F11: variants seen among roughly 807,000 people sequenced by gnomAD.
F11 encodes coagulation factor XI.
A neutral mutation model predicts 76.5 loss-of-function variants in F11; 78 were observed. That is an observed-to-expected ratio of 1.02 (90% CI 0.85 to 1.23). F11 has a LOEUF of 1.23. Among genes scored for constraint, F11 ranks in the 50% most tolerant of loss-of-function variants. F11 has a pLI of 0.00. For synonymous variants in F11, 278 were observed against 276.3 expected, an observed-to-expected ratio of 1.01 and a Z score of -0.06; for missense variants, 742 against 771.4, an observed-to-expected ratio of 0.96 and a Z score of 0.45.
intron 14 of F11, 97 bp from the exon 15 acceptor site, chr4:186,288,356 A>G: frequency 6.6e-7 from 1 of 1,511,242 alleles, no homozygotes; most frequent in Non-Finnish European, 9.2e-7. Flanking sequence ...AGGGGCCAAG[A>G]CAACATTTTA....
chr4:186,289,732 G>T (rs1741455497), downstream of F11, among the ~76,000 whole-genome samples: 3 of 150,596 alleles, frequency 2.0e-5, no homozygotes, highest in South Asian at 6.3e-4. Context: ...GCCCAAGCTG[G>T]AGTGCAGTGG....
Position 186,286,635 on chromosome 4 carries a change from A to G in F11, c.1576+125A>G, listed in dbSNP as rs1561491596. ...CTACTCAGTTGCAGGAAGCGGATTA[A>G]TAAAGATGGAGAGGCAAAAATCACC... On this transcript the variant is annotated intron_variant, in intron 13 of 14. Transcript: ENST00000403665. The G allele has an allele frequency of 3.9e-6, 6 of 1,520,156 alleles. No individual in the cohort carries two copies. In the African/African-American group the frequency reaches 5.5e-5, roughly 14 times the overall value. 94.2% of individuals were successfully genotyped at this position (1,520,156 alleles called of 1,614,324 possible). A position where few individuals can be genotyped will look rare whatever the true frequency, so the allele number is the denominator to read the frequency against.
intron 1 of F11, among the ~76,000 whole-genome samples, chr4:186,266,565 A>G (rs968829003): frequency 2.0e-5 from 3 of 152,210 alleles, no homozygotes; most frequent in Non-Finnish European, 4.4e-5. Context: ...AAAAATCAGA[A>G]GTCTTGATTT....
chr4:186,288,410 C>T, intron 14 of F11, 43 bp from the exon 15 acceptor site: 1 of 1,613,522 alleles, frequency 6.2e-7, no homozygotes, highest in Non-Finnish European at 8.5e-7. Context: ...TGGGAAGCGT[C>T]TGAGTTGATC....
At chr4:186,290,678 A>C (rs1414892666), downstream of F11, 1 of 152,198 alleles carries the variant, frequency 6.6e-6, no homozygotes, top group African/African-American at 2.4e-5. Context: ...AAGATATAAA[A>C]TATACAATGA....
In F11 at chr4:186,288,780, C is replaced by A; in HGVS notation, c.*166C>A. Reference sequence around the variant, plus strand: ...ACAAACTGTCACAAGTTGTTATGTCCAAAACTCCCGTTCTATGATCGTTGT... The same window carrying A: ...ACAAACTGTCACAAGTTGTTATGTCAAAAACTCCCGTTCTATGATCGTTGT... On this transcript the variant is annotated 3_prime_UTR_variant, in exon 15 of 15. Transcript: ENST00000403665. 1 of 747,050 alleles carries A rather than the reference C, an allele frequency of 1.3e-6. No homozygotes were observed. The highest frequency in any genetic ancestry group is 2.3e-6 in the Non-Finnish European group (1 of 439,870). The allele number at this position is 747,050 out of a possible 1,614,324, so 46.3% of individuals were successfully genotyped here. A position where few individuals can be genotyped will look rare whatever the true frequency, so the allele number is the denominator to read the frequency against.
intron 11 of F11, among the ~76,000 whole-genome samples, chr4:186,285,381 C>T (rs527494412): frequency 3.3e-5 from 5 of 150,292 alleles, no homozygotes; most frequent in Admixed American, 2.7e-4. Flanking sequence ...TCTGTGTGTG[C>T]GTGTGCGGGT....
In F11 at chr4:186,275,988, A is replaced by C. The variant is rs182849264; in HGVS notation, c.595+92A>C. 8.0e-6 allele frequency: 9 copies of C among 1,121,642 alleles called. No individual in the cohort carries two copies. The East Asian group carries it at 2.3e-4, about 29-fold the overall frequency. 69.5% of individuals were successfully genotyped at this position (1,121,642 alleles called of 1,614,324 possible). On this transcript the variant is annotated intron_variant, in intron 6 of 14. Coordinates refer to ENST00000403665, the MANE Select transcript of F11 (RefSeq NM_000128.4). ...CTCAGGATACCAGCTTATGCTCACG[A>C]TGAAACGGACCCAAAGATCTTTACC...
intron 7 of F11, among the ~76,000 whole-genome samples, chr4:186,277,047 A>C (rs969390200): frequency 4.6e-5 from 7 of 151,892 alleles, no homozygotes; most frequent in Non-Finnish European, 1.0e-4. Context: ...CTCCTGCCTC[A>C]CCCTCCTCTA....
intron 10 of F11, chr4:186,283,121 C>T (rs1740916139): frequency 2.4e-6 from 2 of 832,084 alleles, no homozygotes; most frequent in Non-Finnish European, 2.9e-6. Flanking sequence ...AATTTCAGGA[C>T]CCACACAGAT....
In F11 at chr4:186,288,977, T is replaced by C. The variant is rs1047024942; in HGVS notation, c.*363T>C. On this transcript the variant is annotated 3_prime_UTR_variant, in exon 15 of 15. Coordinates refer to ENST00000403665, the MANE Select transcript of F11 (RefSeq NM_000128.4). Reference sequence around the variant, plus strand: ...AACTGGTAAAAGAAGCCACCATAAATAGATTTGTTCGATGAAAGATGAAAA... The same window carrying C: ...AACTGGTAAAAGAAGCCACCATAAACAGATTTGTTCGATGAAAGATGAAAA... 2 of 299,204 alleles carry C rather than the reference T, an allele frequency of 6.7e-6. No homozygotes were observed. The highest frequency in any genetic ancestry group is 4.4e-5 in the African/African-American group (2 of 45,960). 18.5% of individuals were successfully genotyped at this position (299,204 alleles called of 1,614,324 possible). A position where few individuals can be genotyped will look rare whatever the true frequency, so the allele number is the denominator to read the frequency against.
chr4:186,284,935 G>A (rs1306695665), intron 11 of F11, among the ~76,000 whole-genome samples: 2 of 152,146 alleles, frequency 1.3e-5, no homozygotes, highest in South Asian at 2.1e-4. Context: ...GAGCAACAGA[G>A]CAAGACCCTA....
chr4:186,279,301 G>A (rs938373037), intron 7 of F11, among the ~76,000 whole-genome samples: 3 of 151,998 alleles, frequency 2.0e-5, no homozygotes, highest in African/African-American at 7.3e-5. Context: ...AGAATCACTT[G>A]AACCCGGGAG....
At chr4:186,268,380 A>C (rs4253818) in intron 2 of F11, among the ~76,000 whole-genome samples, 1,677 of 152,250 alleles carry the variant, frequency 0.011, 41 homozygotes, top group African/African-American at 0.038. Context: ...CTGGCAGCCA[A>C]TCCCTCATAG....
chr4:186,287,913 G>GTT, intron 14 of F11, 90 bp downstream of exon 14: 8 of 1,453,574 alleles, frequency 5.5e-6, no homozygotes, highest in Non-Finnish European at 7.6e-6. Flanking sequence ...TTTTTTGTTT[G>GTT]TTTTTTTTTG....
rs1314141958 is a variant in F11 at position 186,288,491 on chromosome 4, G to A, written c.1755G>A (p.Glu585=). ...GCCCTCTGTCCTGCAAACACAATGA[G>A]GTCTGGCATCTGGTAGGCATCACGA... is the stretch of plus-strand genomic sequence containing the variant. The part of the protein sequence containing the change: ...SGGPLSCKHN[E]VWHLVGITSW... The change falls in exon 15 of 15, where the codon GAG becomes GAA. Residue 585 remains glutamate, a synonymous_variant. Transcript: ENST00000403665. The A allele has an allele frequency of 6.2e-7, 1 of 1,614,150 alleles. No homozygotes were observed. The highest frequency in any genetic ancestry group is 8.5e-7 in the Non-Finnish European group (1 of 1,180,024).
At chr4:186,271,006 C>T (rs879714717) in intron 2 of F11, among the ~76,000 whole-genome samples, 5 of 151,952 alleles carry the variant, frequency 3.3e-5, no homozygotes, top group Admixed American at 1.3e-4. Flanking sequence ...GCGCCCACTC[C>T]GCATTATTAA....
At chr4:186,269,467 A>G (rs4253825) in intron 2 of F11, among the ~76,000 whole-genome samples, 1,681 of 152,368 alleles carry the variant, frequency 0.011, 41 homozygotes, top group African/African-American at 0.038. Context: ...AACCTTGAGG[A>G]CATTACGCTA....
chr4:186,282,779 C>A (rs568969792), intron 10 of F11: 3 of 985,246 alleles, frequency 3.0e-6, no homozygotes, highest in Non-Finnish European at 1.2e-6. Flanking sequence ...TTCAGGCTTC[C>A]GAAGTCACAT....
Sources: allele counts gnomAD v4.1 joint callset (sites outside exome capture counted in the v4.1 genomes callset), GRCh38; gene constraint gnomAD v4.1.1; transcripts MANE v1.5; gene names NCBI Gene and HGNC (gene_info 2026-07-23, HGNC 2026-07-21).